Variants in GLG1 observed in about 807,000 individuals in gnomAD.
GLG1 encodes the protein golgi glycoprotein 1.
Under a neutral mutation model 160.5 loss-of-function variants are expected in GLG1, and 38 were observed. The observed-to-expected ratio is 0.24, with a 90% CI of 0.18 to 0.31. The LOEUF (loss-of-function observed/expected upper bound fraction) is 0.31, where lower values mean the gene tolerates loss of function less well. Among genes scored for constraint, GLG1 ranks in the 10% least tolerant of loss-of-function variants. The pLI is 1.00. For missense variants in GLG1, 1,373 were observed against 1,505.2 expected, an observed-to-expected ratio of 0.91 and a Z score of 1.45; for synonymous variants, 644 against 543.4, an observed-to-expected ratio of 1.19 and a Z score of -2.57.
chr16:74,469,340 G>A (rs1393047791), intron 16 of GLG1: 4 of 456,970 alleles, frequency 8.8e-6, no homozygotes, highest in Non-Finnish European at 1.6e-5. Flanking sequence ...CAACATCTGT[G>A]TTAAAAACAT....
At position 74,536,154 on chromosome 16, in the gene GLG1, G is replaced by C. The variant is rs148061235; in HGVS notation, c.439-4001C>G. On this transcript the variant is annotated intron_variant, in intron 1 of 25. Coordinates refer to ENST00000422840, the MANE Select transcript of GLG1 (RefSeq NM_001145667.2). ...AAAACAGATGCAGGTGCTGATTCGG[G>C]TTTGGTTCTCATACTGCACCATTCT... is the stretch of plus-strand genomic sequence containing the variant. Among the ~76,000 whole-genome samples the C allele has an allele frequency of 2.9e-4, 44 of 152,280 alleles. No individual in the cohort carries two copies. The South Asian group carries it at 4.1e-3, about 14-fold the overall frequency.
At chr16:74,541,756 T>C (rs2017872781) in intron 1 of GLG1, among the ~76,000 whole-genome samples, 1 of 152,128 alleles carries the variant, frequency 6.6e-6, no homozygotes, top group Non-Finnish European at 1.5e-5. Context: ...GAATAAGAAT[T>C]CAAAATACAT....
intron 7 of GLG1, among the ~76,000 whole-genome samples, chr16:74,492,542 G>C (rs1323909645): frequency 6.6e-6 from 1 of 151,654 alleles, no homozygotes; most frequent in African/African-American, 2.4e-5. Flanking sequence ...AAAATTGCTA[G>C]GTGCGGTGGC....
chr16:74,596,421 C>G (rs767056855), intron 1 of GLG1, among the ~76,000 whole-genome samples: 2 of 151,614 alleles, frequency 1.3e-5, no homozygotes. Context: ...CCCAGCTACT[C>G]GGGAAGCTGA....
chr16:74,556,633 A>G (rs1462704218), intron 1 of GLG1, among the ~76,000 whole-genome samples: 2 of 151,956 alleles, frequency 1.3e-5, no homozygotes, highest in East Asian at 1.9e-4. Flanking sequence ...GCAGTGAGCT[A>G]GGATTATACC....
At chr16:74,472,663 A>G (rs1422044603) in intron 13 of GLG1, 5 of 899,744 alleles carry the variant, frequency 5.6e-6, no homozygotes, top group Non-Finnish European at 8.2e-6. Flanking sequence ...AGAATTAAGA[A>G]AAGTGAGGTA....
intron 2 of GLG1, among the ~76,000 whole-genome samples, chr16:74,521,411 CATG>C (rs1292533141): frequency 6.6e-6 from 1 of 152,144 alleles, no homozygotes; most frequent in African/African-American, 2.4e-5. Flanking sequence ...CCCGGAGAGA[CATG>C]ATGATGACTT....
At chr16:74,573,333 A>T (rs2018890697) in intron 1 of GLG1, among the ~76,000 whole-genome samples, 1 of 152,166 alleles carries the variant, frequency 6.6e-6, no homozygotes, top group Non-Finnish European at 1.5e-5. Context: ...GGGTAAATAT[A>T]TTTTTTTTAA....
chr16:74,453,085 G>C lies in GLG1; in HGVS notation c.*82C>G. The C allele has an allele frequency of 6.4e-7, 1 of 1,550,698 alleles. No individual in the cohort carries two copies. The highest frequency in any genetic ancestry group is 8.7e-7 in the Non-Finnish European group (1 of 1,148,850). On this transcript the variant is annotated 3_prime_UTR_variant, in exon 26 of 26. Coordinates refer to ENST00000422840, the MANE Select transcript of GLG1 (RefSeq NM_001145667.2). ...GGGGTTGGTGTCACTTCTGAGAAGAGCGAGGTGAGTGGGGATGCTATACAA... is the reference window on the plus strand; with the variant it reads ...GGGGTTGGTGTCACTTCTGAGAAGACCGAGGTGAGTGGGGATGCTATACAA...
intron 11 of GLG1, among the ~76,000 whole-genome samples, chr16:74,479,443 A>G (rs2015519792): frequency 7.7e-6 from 1 of 129,630 alleles, no homozygotes; most frequent in Non-Finnish European, 1.8e-5. Flanking sequence ...CATTATATGG[A>G]GAGAAAAAAA....
At position 74,606,801 on chromosome 16, in the gene GLG1, C is replaced by T. The variant is rs761119781; in HGVS notation, c.294G>A (p.Pro98=). Residue 98 remains proline, a synonymous_variant, in exon 1 of 26, where the codon CCG becomes CCA. Transcript: ENST00000422840. The part of the protein sequence containing the change: ...PQPPFPAGGP[P]ARRGGAGAGG... ...CAGCCCCCGCTCCTCCCCGCCGGGCCGGAGGCCCACCCGCCGGGAAAGGCG... is the reference window on the plus strand; with the variant it reads ...CAGCCCCCGCTCCTCCCCGCCGGGCTGGAGGCCCACCCGCCGGGAAAGGCG... 8.2e-4 allele frequency: 1,301 copies of T among 1,591,778 alleles called. 2 individuals carry two copies. Among genetic ancestry groups the T allele is most frequent in the Middle Eastern group, 1.0e-3 (6 of 5,788 alleles).
intron 1 of GLG1, among the ~76,000 whole-genome samples, chr16:74,581,865 T>A (rs1232823250): frequency 6.6e-6 from 1 of 152,162 alleles, no homozygotes; most frequent in Non-Finnish European, 1.5e-5. Flanking sequence ...TGAGTCGAGA[T>A]AGCGTTACTG....
At chr16:74,472,940 A>C (rs930560919) in intron 13 of GLG1, 4 of 174,558 alleles carry the variant, frequency 2.3e-5, no homozygotes, top group South Asian at 1.2e-4. Context: ...GACTGCTCTC[A>C]TAAGTCCATG....
chr16:74,520,837 T>C (rs2017140588), intron 2 of GLG1, among the ~76,000 whole-genome samples: 1 of 152,222 alleles, frequency 6.6e-6, no homozygotes, highest in Admixed American at 6.5e-5. Context: ...GGGTTTTTCT[T>C]CTCTCTGAAA....
At chr16:74,467,270 T>C (rs1231775434) in intron 18 of GLG1, among the ~76,000 whole-genome samples, 1 of 152,236 alleles carries the variant, frequency 6.6e-6, no homozygotes, top group Non-Finnish European at 1.5e-5. Flanking sequence ...AACGAGAACA[T>C]TTTTTTAAAA....
At chr16:74,509,537 T>C (rs914258109) in intron 2 of GLG1, among the ~76,000 whole-genome samples, 1 of 151,934 alleles carries the variant, frequency 6.6e-6, no homozygotes, top group Non-Finnish European at 1.5e-5. Context: ...GGCATATTTA[T>C]CTTCATTCAT....
chr16:74,540,127 T>A (rs57723041), intron 1 of GLG1, among the ~76,000 whole-genome samples: 7 of 334 alleles, frequency 0.021, 3 homozygotes, highest in African/African-American at 0.023. Context: ...TTATATATAT[T>A]TTATATATAT....
chr16:74,495,643 C>T (rs1420506415), intron 5 of GLG1, among the ~76,000 whole-genome samples: 2 of 152,162 alleles, frequency 1.3e-5, no homozygotes, highest in East Asian at 3.8e-4. Flanking sequence ...AGATTAGCCA[C>T]CTGCTGTTTT....
chr16:74,462,158 A>G lies in GLG1; in HGVS notation c.2972T>C (p.Ile991Thr). 3 of 1,608,388 alleles carry G rather than the reference A, an allele frequency of 1.9e-6. No homozygotes were observed. The highest frequency in any genetic ancestry group is 2.2e-5 in the South Asian group (2 of 90,904). The change falls in exon 22 of 26, where the codon ATT (isoleucine) becomes ACT (threonine). Residue 991 changes from isoleucine to threonine, a missense_variant. By Grantham distance (89) the Ile-to-Thr change is moderately conservative. Coordinates refer to ENST00000422840, the MANE Select transcript of GLG1 (RefSeq NM_001145667.2). ...SSDCEDQIRI[I>T]IQESALDYRL... ...GTAGTCCAGGGCGGACTCCTGGATA[A>G]TGATTCGGATCTGGTCTTCACAGTC...
Sources: gnomAD v4.1 joint callset for allele counts (sites outside exome capture counted in the v4.1 genomes callset) on GRCh38, gnomAD v4.1.1 for gene constraint, MANE v1.5 for transcripts, NCBI Gene and HGNC (gene_info 2026-07-23, HGNC 2026-07-21) for gene names.